Variants in FCHSD2 observed in about 807,000 individuals in gnomAD.
The protein encoded by FCHSD2 is F-BAR and double SH3 domains protein 2.
Under a neutral mutation model 108.1 loss-of-function variants are expected in FCHSD2, and 38 were observed. The observed-to-expected ratio is 0.35, with a 90% CI of 0.27 to 0.46. The LOEUF (loss-of-function observed/expected upper bound fraction) is 0.46. Ranked by LOEUF, FCHSD2 falls within the 20% of genes least tolerant of loss-of-function variation. The pLI is 1.00. For missense variants in FCHSD2, 751 were observed against 897.8 expected, an observed-to-expected ratio of 0.84 and a Z score of 2.09; for synonymous variants, 279 against 314.7, an observed-to-expected ratio of 0.89 and a Z score of 1.20.
At chr11:73,103,531 T>C (rs893678108) in intron 2 of FCHSD2, among the ~76,000 whole-genome samples, 9 of 152,346 alleles carry the variant, frequency 5.9e-5, no homozygotes, top group African/African-American at 2.2e-4. Flanking sequence ...GTCTTATTGC[T>C]AACTATATTA....
intron 12 of FCHSD2, among the ~76,000 whole-genome samples, chr11:72,878,935 C>T (rs1406673416): frequency 1.3e-5 from 2 of 151,676 alleles, no homozygotes; most frequent in Admixed American, 6.6e-5. Context: ...GGTGAAACCC[C>T]GTCTCTACTA....
chr11:73,066,757 G>GA (rs1859303690), intron 3 of FCHSD2, among the ~76,000 whole-genome samples: 1 of 152,188 alleles, frequency 6.6e-6, no homozygotes. Flanking sequence ...GGTCATTAAA[G>GA]AAATGCAAAT....
chr11:72,938,903 G>A (rs1856357372), intron 8 of FCHSD2, among the ~76,000 whole-genome samples: 1 of 152,052 alleles, frequency 6.6e-6, no homozygotes, highest in African/African-American at 2.4e-5. Flanking sequence ...CTCTAAAGCT[G>A]ATTTAAGATT....
chr11:73,017,219 G>T (rs780339779), intron 3 of FCHSD2, among the ~76,000 whole-genome samples: 4 of 152,106 alleles, frequency 2.6e-5, no homozygotes, highest in African/African-American at 4.8e-5. Flanking sequence ...GCTCAAGCAA[G>T]CCACCTCCCT....
chr11:73,130,716 A>T (rs957779458), intron 2 of FCHSD2, among the ~76,000 whole-genome samples: 3 of 152,230 alleles, frequency 2.0e-5, no homozygotes, highest in African/African-American at 7.2e-5. Context: ...AGACCCTCTC[A>T]AACTATATTT....
At chr11:73,049,691 A>G (rs1232188539) in intron 3 of FCHSD2, among the ~76,000 whole-genome samples, 1 of 151,612 alleles carries the variant, frequency 6.6e-6, no homozygotes. Flanking sequence ...TAATAAAAAA[A>G]AAAAAAAAAA....
intron 9 of FCHSD2, among the ~76,000 whole-genome samples, chr11:72,909,500 T>G (rs1855706058): frequency 6.6e-6 from 1 of 151,300 alleles, no homozygotes; most frequent in Non-Finnish European, 1.5e-5. Flanking sequence ...CCGCCCATCA[T>G]CTGGGATGTG....
intron 3 of FCHSD2, among the ~76,000 whole-genome samples, chr11:73,035,865 C>T (rs1434368864): frequency 1.3e-5 from 2 of 152,012 alleles, no homozygotes; most frequent in African/African-American, 4.8e-5. Flanking sequence ...AGACTACAGG[C>T]GTGCACCACC....
At position 72,942,220 on chromosome 11, in the gene FCHSD2, C is replaced by G. The variant is rs76365480; in HGVS notation, c.706-20270G>C. 9.4e-3 allele frequency among the ~76,000 whole-genome samples: 1,430 copies of G among 152,246 alleles called. 25 individuals carry two copies. Among genetic ancestry groups the G allele is most frequent in the African/African-American group, 0.032 (1,348 of 41,532 alleles). Reference sequence around the variant, plus strand: ...CTGGCTGTTTAAAAGAGCCTGGCAGCTCCCTCCTCTCTTGCTCCATCTCTC... The same window carrying G: ...CTGGCTGTTTAAAAGAGCCTGGCAGGTCCCTCCTCTCTTGCTCCATCTCTC... On this transcript the variant is annotated intron_variant, in intron 8 of 19. Transcript: ENST00000409418.
At chr11:72,847,413 A>C (rs575941234) in intron 14 of FCHSD2, among the ~76,000 whole-genome samples, 1 of 152,194 alleles carries the variant, frequency 6.6e-6, no homozygotes, top group African/African-American at 2.4e-5. Flanking sequence ...CTAATGACCT[A>C]CTACGTGCTG....
chr11:73,000,520 A>T (rs1484388343), intron 5 of FCHSD2, among the ~76,000 whole-genome samples: 1 of 152,204 alleles, frequency 6.6e-6, no homozygotes, highest in African/African-American at 2.4e-5. Context: ...TAAAGTTTAG[A>T]GTCCATCAGG....
In FCHSD2 at chr11:73,001,065, T is replaced by C. The variant is rs1857616537; in HGVS notation, c.312A>G (p.Ile104Met). 5 of 1,613,084 alleles carry C rather than the reference T, an allele frequency of 3.1e-6. No homozygotes were observed. Among genetic ancestry groups the C allele is most frequent in the East Asian group, 2.2e-5 (1 of 44,854 alleles). Residue 104 changes from isoleucine to methionine, a missense_variant, in exon 5 of 20, where the codon ATA (isoleucine) becomes ATG (methionine). Transcript: ENST00000409418. ...TMQVAQSRMN[I>M]CENYKNFISE... is the part of the protein sequence containing the mutation. The stretch of plus-strand genomic sequence containing the variant: ...AAATGAAGTTTTTATAGTTTTCACA[T>C]ATATTCATCCGAGACTGGGCTACCT...
Position 72,963,869 on chromosome 11 carries a change from G to A in FCHSD2, c.705+20219C>T, listed in dbSNP as rs555311297. Among the ~76,000 whole-genome samples, 5 of 152,122 alleles carry A rather than the reference G, an allele frequency of 3.3e-5. No homozygotes were observed. In the South Asian group the frequency reaches 1.0e-3, roughly 32 times the overall value. Reference sequence around the variant, plus strand: ...TCCTCACAGGCCATGGACTGCTGAGGTCCAAGGCCCTGGGGTTGGGGACCC... The same window carrying A: ...TCCTCACAGGCCATGGACTGCTGAGATCCAAGGCCCTGGGGTTGGGGACCC... On this transcript the variant is annotated intron_variant, in intron 8 of 19. Coordinates refer to ENST00000409418, the MANE Select transcript of FCHSD2 (RefSeq NM_014824.3).
At chr11:72,909,453 C>A (rs1855704642) in intron 9 of FCHSD2, among the ~76,000 whole-genome samples, 1 of 152,220 alleles carries the variant, frequency 6.6e-6, no homozygotes. Context: ...TGCCCAGCCG[C>A]CACCCCATCT....
intron 3 of FCHSD2, among the ~76,000 whole-genome samples, chr11:73,051,047 G>A (rs1007321023): frequency 6.6e-6 from 1 of 152,344 alleles, no homozygotes; most frequent in South Asian, 2.1e-4. Flanking sequence ...TGGGCACAGT[G>A]GCTCATGCCT....
intron 8 of FCHSD2, among the ~76,000 whole-genome samples, chr11:72,930,005 G>A (rs1161900343): frequency 6.6e-6 from 1 of 152,166 alleles, no homozygotes; most frequent in Non-Finnish European, 1.5e-5. Context: ...AACATTTTGA[G>A]AGTGAAGTAG....
chr11:72,944,408 TAAG>T (rs1856479949), intron 8 of FCHSD2, among the ~76,000 whole-genome samples: 1 of 152,138 alleles, frequency 6.6e-6, no homozygotes, highest in Non-Finnish European at 1.5e-5. Context: ...CTCAAAATAA[TAAG>T]AACTATCTAT....
intron 9 of FCHSD2, among the ~76,000 whole-genome samples, chr11:72,912,522 T>C (rs1339283082): frequency 6.6e-6 from 1 of 152,242 alleles, no homozygotes; most frequent in East Asian, 1.9e-4. Flanking sequence ...GAATTCAGTT[T>C]GCTAGTATTT....
At chr11:72,923,129 A>G (rs1046467111) in intron 8 of FCHSD2, among the ~76,000 whole-genome samples, 2 of 152,178 alleles carry the variant, frequency 1.3e-5, no homozygotes, top group African/African-American at 4.8e-5. Context: ...TCCTTTTTAC[A>G]GCTTAATAAT....
Sources: allele counts gnomAD v4.1 joint callset (sites outside exome capture counted in the v4.1 genomes callset), GRCh38; gene constraint gnomAD v4.1.1; transcripts MANE v1.5; gene names NCBI Gene and HGNC (gene_info 2026-07-23, HGNC 2026-07-21).